Variants in GAN observed in about 807,000 individuals in gnomAD.
GAN encodes gigaxonin.
GAN carries 48 observed loss-of-function variants against 71.3 expected under a neutral mutation model. The observed-to-expected ratio is 0.67, with a 90% CI of 0.53 to 0.86. GAN has a LOEUF of 0.86. GAN is among the 40% of genes least tolerant of loss of function. The probability of loss-of-function intolerance (pLI) is 0.00; values close to 1 mark genes in which losing one functional copy is unlikely to be tolerated. For missense variants in GAN, 928 were observed against 770.1 expected (o/e 1.21, Z -2.43); for synonymous variants, 386 against 276.8 (o/e 1.39, Z -3.92).
At chr16:81,330,569 G>A (rs1358542021) in intron 1 of GAN, among the ~76,000 whole-genome samples, 1 of 152,236 alleles carries the variant, frequency 6.6e-6, no homozygotes, top group Non-Finnish European at 1.5e-5. Flanking sequence ...GAGGAGACAG[G>A]TCTTTCTTAT....
rs1404347457 is a variant in GAN, at chr16:81,314,975, A to G, written c.-139A>G. ...CCAGCGCGCCGCGGATAGCACAGGC[A>G]CGTCCCGGGGGCTCCAGCTTCTGCT... is the stretch of plus-strand genomic sequence containing the variant. On this transcript the variant is annotated 5_prime_UTR_variant, in exon 1 of 11. Transcript: ENST00000648994. 5 of 671,078 alleles carry G rather than the reference A, an allele frequency of 7.5e-6. No homozygotes were observed. The East Asian group carries it at 1.4e-4, about 19-fold the overall frequency. The allele number at this position is 671,078 out of a possible 1,614,324, so 41.6% of individuals were successfully genotyped here.
intron 1 of GAN, among the ~76,000 whole-genome samples, chr16:81,316,775 C>T (rs1488594996): frequency 6.6e-6 from 1 of 152,226 alleles, no homozygotes; most frequent in Non-Finnish European, 1.5e-5. Flanking sequence ...CTCCATAGCA[C>T]TTACCACTTT....
intron 6 of GAN, 127 bp downstream of exon 6, chr16:81,362,738 C>G: frequency 4.2e-6 from 3 of 713,142 alleles, no homozygotes; most frequent in Non-Finnish European, 7.8e-6. Context: ...TTCGCTCCAA[C>G]CTCTCCTTCT....
intron 1 of GAN, among the ~76,000 whole-genome samples, chr16:81,320,707 C>T (rs1205446381): frequency 2.0e-5 from 3 of 152,134 alleles, no homozygotes; most frequent in Non-Finnish European, 2.9e-5. Flanking sequence ...TTTTGAAATC[C>T]TGAGCACACT....
chr16:81,364,046 A>G, intron 7 of GAN, 103 bp downstream of exon 7: 1 of 935,028 alleles, frequency 1.1e-6, no homozygotes, highest in South Asian at 1.3e-5. Context: ...TGATGGTGTT[A>G]AAAGAATTAA....
intron 1 of GAN, among the ~76,000 whole-genome samples, chr16:81,327,624 C>T (rs1005910459): frequency 1.3e-5 from 2 of 151,258 alleles, no homozygotes; most frequent in African/African-American, 2.5e-5. Context: ...ATAAAATCTT[C>T]CTTGTAACTC....
intron 1 of GAN, among the ~76,000 whole-genome samples, chr16:81,315,937 T>A (rs1221857273): frequency 6.6e-6 from 1 of 152,248 alleles, no homozygotes; most frequent in Admixed American, 6.5e-5. Flanking sequence ...TTCTGGTAAC[T>A]GTTTAAAAGA....
intron 1 of GAN, among the ~76,000 whole-genome samples, chr16:81,329,888 C>T (rs760115049): frequency 1.2e-4 from 18 of 152,322 alleles, no homozygotes; most frequent in Middle Eastern, 3.4e-3. Flanking sequence ...ATACCAAGCC[C>T]GCTACATGGC....
intron 1 of GAN, among the ~76,000 whole-genome samples, chr16:81,317,137 G>C (rs1203576256): frequency 6.6e-6 from 1 of 152,204 alleles, no homozygotes; most frequent in South Asian, 2.1e-4. Flanking sequence ...GATTACAGGC[G>C]TGAGCCGTGG....
chr16:81,360,303 C>A lies in GAN; in HGVS notation c.974-2196C>A, dbSNP rs181147080. On this transcript the variant is annotated intron_variant, in intron 5 of 10. Transcript: ENST00000648994. ...TTGCCTGCAAATGTCATTATTTTGT[C>A]TTCATTCGTAAAGGATATTTTTGCT... Among the ~76,000 whole-genome samples, 327 of 152,220 alleles carry A rather than the reference C, an allele frequency of 2.1e-3. 2 individuals are homozygous for A. Among genetic ancestry groups the A allele is most frequent in the African/African-American group, 7.5e-3 (312 of 41,540 alleles).
chr16:81,340,139 G>C (rs1052447256), intron 1 of GAN, among the ~76,000 whole-genome samples: 1 of 152,192 alleles, frequency 6.6e-6, no homozygotes, highest in South Asian at 2.1e-4. Flanking sequence ...AGGTCTTGCT[G>C]TGTTGCCCAC....
At chr16:81,363,747 T>G in intron 6 of GAN, 47 bp from the exon 7 acceptor site, 1 of 1,587,922 alleles carries the variant, frequency 6.3e-7, no homozygotes, top group Non-Finnish European at 8.7e-7. Flanking sequence ...CAGCTTTCAA[T>G]ATGATCATTG....
At chr16:81,353,813 TA>T (rs1180172347) in intron 2 of GAN, among the ~76,000 whole-genome samples, 1 of 152,120 alleles carries the variant, frequency 6.6e-6, no homozygotes, top group Non-Finnish European at 1.5e-5. Context: ...ACCCTTGTAT[TA>T]GGGATTTATT....
At chr16:81,356,758 G>T (rs201264758) in intron 3 of GAN, 27 bp from the exon 4 acceptor site, 84 of 1,461,732 alleles carry the variant, frequency 5.7e-5, no homozygotes, top group Non-Finnish European at 7.6e-5. Context: ...CATTGTTTTC[G>T]CCCCATCTTT....
At chr16:81,325,003 A>AGGGCAGACCAGGGATGAC (rs1360787303) in intron 1 of GAN, among the ~76,000 whole-genome samples, 2 of 152,184 alleles carry the variant, frequency 1.3e-5, no homozygotes, top group Non-Finnish European at 2.9e-5. Flanking sequence ...GATGAGGAAA[A>AGGGCAGACCAGGGATGAC]GGGCAGACCA....
chr16:81,320,619 G>T (rs1411607521), intron 1 of GAN, among the ~76,000 whole-genome samples: 1 of 152,190 alleles, frequency 6.6e-6, no homozygotes, highest in South Asian at 2.1e-4. Flanking sequence ...TTGTCATAAG[G>T]ATCTTGAATA....
intron 1 of GAN, among the ~76,000 whole-genome samples, chr16:81,344,233 ACTTT>A (rs1443937370): frequency 1.2e-4 from 18 of 152,338 alleles, no homozygotes; most frequent in African/African-American, 4.3e-4. Flanking sequence ...GCTGCCGCTG[ACTTT>A]CTTCACAGAA....
chr16:81,363,852 A>T lies in GAN; in HGVS notation c.1145A>T (p.Glu382Val), dbSNP rs1328092753. ...IDGMLYILGG[E>V]DGEKELISME... is the part of the protein sequence containing the mutation. ...GGGATGCTGTACATTTTGGGAGGAGAGGATGGTGAAAAGGAGCTGATTTCC... is the reference window on the plus strand; with the variant it reads ...GGGATGCTGTACATTTTGGGAGGAGTGGATGGTGAAAAGGAGCTGATTTCC... The change falls in exon 7 of 11, where the codon GAG becomes GTG. Residue 382 changes from glutamate to valine, a missense_variant. Transcript: ENST00000648994. 1.9e-6 allele frequency: 3 copies of T among 1,611,794 alleles called. No homozygotes were observed. The highest frequency in any genetic ancestry group is 2.5e-6 in the Non-Finnish European group (3 of 1,177,874).
chr16:81,355,690 A>G (rs1459736756), intron 3 of GAN, among the ~76,000 whole-genome samples: 1 of 152,244 alleles, frequency 6.6e-6, no homozygotes, highest in African/African-American at 2.4e-5. Context: ...TCTGATTATT[A>G]TAAATAAGAC....
Sources: allele counts gnomAD v4.1 joint callset (sites outside exome capture counted in the v4.1 genomes callset), GRCh38; gene constraint gnomAD v4.1.1; transcripts MANE v1.5; gene names NCBI Gene and HGNC (gene_info 2026-07-23, HGNC 2026-07-21).